SLC25A23: variants seen among roughly 807,000 people sequenced by gnomAD.
The protein encoded by SLC25A23 is solute carrier family 25 member 23, also known as mitochondrial adenyl nucleotide antiporter SLC25A23.
SLC25A23 carries 32 observed loss-of-function variants against 53.9 expected under a neutral mutation model. The ratio of observed to expected loss-of-function variants is 0.59; its 90% CI spans 0.45 to 0.80. SLC25A23 has a LOEUF of 0.80. SLC25A23 is among the 30% of genes least tolerant of loss of function. SLC25A23 has a pLI of 0.00. For missense variants in SLC25A23, 575 were observed against 651.4 expected, an observed-to-expected ratio of 0.88 and a Z score of 1.28; for synonymous variants, 275 against 264.5, an observed-to-expected ratio of 1.04 and a Z score of -0.38.
At chr19:6,439,881 TTA>T (rs935461690), downstream of SLC25A23, among the ~76,000 whole-genome samples, 59 of 151,808 alleles carry the variant, frequency 3.9e-4, no homozygotes, top group African/African-American at 1.4e-3. Context: ...TTAGAAGGGG[TTA>T]TAAACAGGGA....
intron 1 of SLC25A23, among the ~76,000 whole-genome samples, chr19:6,458,956 C>G (rs1448900651): frequency 6.6e-6 from 1 of 152,184 alleles, no homozygotes; most frequent in African/African-American, 2.4e-5. Flanking sequence ...AGGTGCATTC[C>G]CAGCTGCGGG....
chr19:6,442,885 C>T lies in SLC25A23; in HGVS notation c.1223-726G>A, dbSNP rs181183882. Among the ~76,000 whole-genome samples, 838 of 150,700 alleles carry T rather than the reference C, an allele frequency of 5.6e-3. 11 individuals are homozygous for T. The highest frequency in any genetic ancestry group is 0.019 in the African/African-American group (793 of 41,058). On this transcript the variant is annotated intron_variant, in intron 9 of 9. Transcript: ENST00000301454. ...TTAACCTCAGGTGATCCGCCCACCT[C>T]GGCCTCCCAAAGTGCTGGGATTACA...
chr19:6,456,539 G>T lies in SLC25A23; in HGVS notation c.372-8C>A. On this transcript the variant is annotated splice_polypyrimidine_tract_variant and splice_region_variant and intron_variant, in intron 3 of 9. Transcript: ENST00000301454. ...GTGCCGTCTCGGTCCATGCTGGGGG[G>T]AAGAAAGGGGGTGGAGGAGGACAGG... 6 of 1,586,400 alleles carry T rather than the reference G, an allele frequency of 3.8e-6. No homozygotes were observed. Among genetic ancestry groups the T allele is most frequent in the Non-Finnish European group, 5.2e-6 (6 of 1,155,972 alleles).
chr19:6,449,377 T>A (rs548356489), intron 8 of SLC25A23, among the ~76,000 whole-genome samples: 1 of 150,488 alleles, frequency 6.6e-6, no homozygotes, highest in East Asian at 2.0e-4. Flanking sequence ...CTCAGCCTCC[T>A]GAGTAGCTGG....
intron 2 of SLC25A23, among the ~76,000 whole-genome samples, chr19:6,457,830 G>A (rs192012901): frequency 8.0e-4 from 121 of 152,112 alleles, no homozygotes; most frequent in African/African-American, 2.7e-3. Context: ...AGGAATCCAG[G>A]GGTAATTGTA....
chr19:6,445,922 C>CA (rs886928318), intron 8 of SLC25A23, among the ~76,000 whole-genome samples: 43 of 109,690 alleles, frequency 3.9e-4, no homozygotes, highest in East Asian at 1.6e-3. Context: ...AACAAACAAA[C>CA]AAAAAAAAAC....
At chr19:6,442,831 G>A (rs111736649) in intron 9 of SLC25A23, among the ~76,000 whole-genome samples, 2 of 151,698 alleles carry the variant, frequency 1.3e-5, no homozygotes, top group Admixed American at 6.6e-5. Context: ...GATTACAGGC[G>A]TGAACCACCA....
chr19:6,455,958 A>T (rs2092675851), intron 4 of SLC25A23: 2 of 1,200,074 alleles, frequency 1.7e-6, no homozygotes, highest in South Asian at 1.3e-5. Context: ...TGACCTCGTG[A>T]TCCGCCCACT....
At chr19:6,448,008 G>A (rs944601539) in intron 8 of SLC25A23, among the ~76,000 whole-genome samples, 7 of 152,040 alleles carry the variant, frequency 4.6e-5, no homozygotes, top group African/African-American at 1.2e-4. Flanking sequence ...ACTGAGGCTC[G>A]GGAAGTTACT....
chr19:6,449,778 C>T (rs1372848036), intron 8 of SLC25A23, among the ~76,000 whole-genome samples: 1 of 152,004 alleles, frequency 6.6e-6, no homozygotes, highest in African/African-American at 2.4e-5. Context: ...AAGCAATCCT[C>T]CCACCTCGGC....
chr19:6,452,553 A>C, intron 7 of SLC25A23, 74 bp from the exon 8 acceptor site: 1 of 1,505,250 alleles, frequency 6.6e-7, no homozygotes, highest in Non-Finnish European at 8.9e-7. Context: ...GACACCTAGA[A>C]ATAGCTACTC....
chr19:6,442,192 C>T, intron 9 of SLC25A23, 33 bp from the exon 10 acceptor site: 1 of 1,419,926 alleles, frequency 7.0e-7, no homozygotes, highest in Non-Finnish European at 9.4e-7. Context: ...CCAGGTAAGG[C>T]CAACGTTCCC....
chr19:6,443,480 G>A (rs2092455414), intron 9 of SLC25A23: 1 of 629,118 alleles, frequency 1.6e-6, no homozygotes, highest in Admixed American at 2.5e-5. Context: ...CTTCCTCTTT[G>A]GCCTCCTAAA....
chr19:6,458,228 T>G lies in SLC25A23; in HGVS notation c.253A>C (p.Met85Leu), dbSNP rs760880344. 30 of 1,613,498 alleles carry G rather than the reference T, an allele frequency of 1.9e-5. No homozygotes were observed. The highest frequency in any genetic ancestry group is 8.5e-7 in the Non-Finnish European group (1 of 1,179,976). ...LQEREQRLLL[M>L]FHSLDRNQDG... ...TGGTTCCGGTCAAGACTGTGAAACA[T>G]GAGCAGCAGACGCTGTTCCCGCTCC... The change falls in exon 2 of 10, where the codon ATG becomes CTG. Residue 85 changes from methionine (M) to leucine (L), a missense_variant. By Grantham distance (15) the Met-to-Leu change is conservative. Coordinates refer to ENST00000301454, the MANE Select transcript of SLC25A23 (RefSeq NM_024103.3).
At chr19:6,436,509 G>C (rs1351538215), downstream of SLC25A23, 1 of 455,214 alleles carries the variant, frequency 2.2e-6, no homozygotes, top group East Asian at 7.0e-5. Flanking sequence ...GAGAGAGAGA[G>C]AGAGCATGTA....
chr19:6,456,447 G>A lies in SLC25A23; in HGVS notation c.456C>T (p.Asp152=), dbSNP rs149525556. 619 of 1,613,994 alleles carry A rather than the reference G, an allele frequency of 3.8e-4. 2 individuals are homozygous for A. Among genetic ancestry groups the A allele is most frequent in the Middle Eastern group, 3.5e-3 (21 of 6,062 alleles). The change falls in exon 4 of 10, where the codon GAC becomes GAT. Residue 152 remains aspartate, a synonymous_variant. Transcript: ENST00000301454. ...TGGAATGCTTCCAGAAATACAGCAC[G>A]TCCTCCACATTTTCCAGCGAATGCA... ...FLLHSLENVE[D]VLYFWKHSTV...
Position 6,440,993 on chromosome 19 carries a change from T to C in SLC25A23, c.*982A>G, listed in dbSNP as rs137983720. The C allele has an allele frequency of 5.9e-5, 9 of 152,128 alleles. No homozygotes were observed. Among genetic ancestry groups the C allele is most frequent in the Non-Finnish European group, 7.4e-5 (5 of 68,000 alleles). 9.4% of individuals were successfully genotyped at this position (152,128 alleles called of 1,614,324 possible). On this transcript the variant is annotated 3_prime_UTR_variant, in exon 10 of 10. Coordinates refer to ENST00000301454, the MANE Select transcript of SLC25A23 (RefSeq NM_024103.3). ...AACATTGAGGGACTGGGCAGAGGGA[T>C]TGGGGACCCAGAATCTGGAATCCAG... is the stretch of plus-strand genomic sequence containing the variant.
chr19:6,459,761 G>C lies in SLC25A23; in HGVS notation c.-133C>G, dbSNP rs1290203081. 3 of 726,494 alleles carry C rather than the reference G, an allele frequency of 4.1e-6. No individual in the cohort carries two copies. Among genetic ancestry groups the C allele is most frequent in the African/African-American group, 1.9e-5 (1 of 53,212 alleles). 45.0% of individuals were successfully genotyped at this position (726,494 alleles called of 1,614,324 possible). On this transcript the variant is annotated 5_prime_UTR_variant, in exon 1 of 10. Transcript: ENST00000301454. The surrounding 1 kb of genome is among the most constrained non-coding windows in gnomAD (Gnocchi z 4.6). The stretch of plus-strand genomic sequence containing the variant: ...CGGCTCCGCAGCCTCCGCGCAGTCC[G>C]CTCGGCTCTGGCACTTGCGGGAGGT...
chr19:6,451,548 G>A (rs1269213086), intron 8 of SLC25A23, among the ~76,000 whole-genome samples: 3 of 152,144 alleles, frequency 2.0e-5, no homozygotes, highest in East Asian at 1.9e-4. Context: ...TGGGGGGAAC[G>A]CTTGGGGACA....
Sources: allele counts gnomAD v4.1 joint callset (sites outside exome capture counted in the v4.1 genomes callset), GRCh38; gene constraint gnomAD v4.1.1; non-coding constraint Gnocchi (gnomAD v3.1); transcripts MANE v1.5; gene names NCBI Gene and HGNC (gene_info 2026-07-23, HGNC 2026-07-21).